The following CCNB3 variants were observed in gnomAD, a reference collection of about 807,000 sequenced individuals.
CCNB3 encodes cyclin B3, also known as G2/mitotic-specific cyclin-B3.
CCNB3 carries 12 observed loss-of-function variants against 68.0 expected under a neutral mutation model. The ratio of observed to expected loss-of-function variants is 0.18; its 90% CI spans 0.11 to 0.29. The LOEUF is 0.29. Among genes scored for constraint, CCNB3 ranks in the 10% least tolerant of loss-of-function variants. The pLI, the probability that CCNB3 is intolerant of heterozygous loss-of-function variation, is 1.00. For synonymous variants in CCNB3, 354 were observed against 388.9 expected (o/e 0.91, Z 1.06); for missense variants, 904 against 993.1 (o/e 0.91, Z 1.21).
chrX:50,318,563 A>G (rs1209739595), intron 8 of CCNB3, among the ~76,000 whole-genome samples: 1 of 112,213 alleles, frequency 8.9e-6, no homozygotes, highest in East Asian at 2.8e-4. Flanking sequence ...TAGCTATTCT[A>G]GTTCCTTTGC....
intron 8 of CCNB3, among the ~76,000 whole-genome samples, chrX:50,326,509 TA>T (rs1277887704): frequency 2.7e-5 from 3 of 112,003 alleles, no homozygotes; most frequent in African/African-American, 9.7e-5. Context: ...CTCAAGTTTT[TA>T]TTCATTATCT....
At chrX:50,293,799 G>A (rs1936393951) in intron 4 of CCNB3, among the ~76,000 whole-genome samples, 1 of 111,822 alleles carries the variant, frequency 8.9e-6, no homozygotes, top group South Asian at 3.7e-4. Flanking sequence ...ATACTTTGAA[G>A]GTGGTAGTCA....
chrX:50,220,110 T>A (rs1948992234), intron 1 of CCNB3, among the ~76,000 whole-genome samples: 1 of 111,875 alleles, frequency 8.9e-6, no homozygotes, highest in Non-Finnish European at 1.9e-5. Context: ...TTTTTGCACA[T>A]TGATTTTGTA....
Position 50,348,093 on chromosome X carries a change from G to A in CCNB3, c.3960+318G>A, listed in dbSNP as rs192731436. ...AGTGTGACCCTACTTCTTATCCCCA[G>A]CCCTGTTCCCCTCTTGCCTCTTGCA... On this transcript the variant is annotated intron_variant, in intron 11 of 12. Transcript: ENST00000376042. Among the ~76,000 whole-genome samples the A allele has an allele frequency of 2.6e-4, 29 of 111,373 alleles. No homozygotes were observed. The East Asian group carries it at 7.7e-3, about 29-fold the overall frequency.
intron 8 of CCNB3, among the ~76,000 whole-genome samples, chrX:50,329,194 A>G (rs1922456195): frequency 9.0e-6 from 1 of 111,398 alleles, no homozygotes; most frequent in Non-Finnish European, 1.9e-5. Flanking sequence ...CCCTTCCCAT[A>G]GCTCCACTAG....
At chrX:50,346,917 G>T (rs1923434502) in intron 10 of CCNB3, 110 bp downstream of exon 10, 2 of 805,497 alleles carry the variant, frequency 2.5e-6, no homozygotes, top group Non-Finnish European at 3.4e-6. Context: ...ACAGGCAGCA[G>T]GGAGCTTTCT....
At chrX:50,296,114 A>G (rs1400658987) in intron 5 of CCNB3, among the ~76,000 whole-genome samples, 2 of 109,494 alleles carry the variant, frequency 1.8e-5, no homozygotes, top group Non-Finnish European at 3.8e-5. Context: ...TTATTTTTTT[A>G]TGTTTCTTTG....
At chrX:50,325,049 A>G (rs2147080570) in intron 8 of CCNB3, among the ~76,000 whole-genome samples, 1 of 111,411 alleles carries the variant, frequency 9.0e-6, no homozygotes, top group South Asian at 3.7e-4. Context: ...AGTTTGTATA[A>G]ATGATTCACT....
At chrX:50,314,012 C>A in intron 8 of CCNB3, 64 bp downstream of exon 8, 1 of 826,026 alleles carries the variant, frequency 1.2e-6, no homozygotes, top group Non-Finnish European at 1.8e-6. Flanking sequence ...GCTGCCAGGC[C>A]AAAAACATGG....
At chrX:50,280,107 A>G (rs1432551631) in intron 1 of CCNB3, among the ~76,000 whole-genome samples, 1 of 92,831 alleles carries the variant, frequency 1.1e-5, no homozygotes, top group Non-Finnish European at 2.0e-5. Context: ...ATATATATAT[A>G]GAATATATAA....
At chrX:50,289,801 A>G (rs782298812) in intron 4 of CCNB3, among the ~76,000 whole-genome samples, 2 of 112,219 alleles carry the variant, frequency 1.8e-5, no homozygotes, top group Non-Finnish European at 3.8e-5. Context: ...TGTAGCTACC[A>G]GAATACTTGT....
intron 8 of CCNB3, among the ~76,000 whole-genome samples, chrX:50,323,547 C>A (rs1315793742): frequency 9.0e-6 from 1 of 111,346 alleles, no homozygotes; most frequent in Admixed American, 9.5e-5. Flanking sequence ...GCACATGTAC[C>A]CTAGAACTTA....
chrX:50,300,647 G>A (rs782496549), intron 5 of CCNB3, among the ~76,000 whole-genome samples: 15 of 110,899 alleles, frequency 1.4e-4, no homozygotes, highest in East Asian at 2.8e-4. Flanking sequence ...TCTTTGTGGC[G>A]TTCTCTGTAT....
chrX:50,335,685 A>G (rs1251796839), intron 8 of CCNB3, among the ~76,000 whole-genome samples: 1 of 111,718 alleles, frequency 9.0e-6, no homozygotes, highest in Non-Finnish European at 1.9e-5. Flanking sequence ...GCCATCGCTT[A>G]GCTAGAGCTG....
At chrX:50,292,075 C>T (rs1936358465) in intron 4 of CCNB3, among the ~76,000 whole-genome samples, 1 of 111,474 alleles carries the variant, frequency 9.0e-6, no homozygotes, top group African/African-American at 3.3e-5. Context: ...GGTCCCTTTA[C>T]CCGTAAGTAC....
intron 1 of CCNB3, among the ~76,000 whole-genome samples, chrX:50,227,615 A>C (rs961716055): frequency 3.1e-4 from 12 of 38,409 alleles, no homozygotes; most frequent in African/African-American, 1.1e-3. Flanking sequence ...TATATATATA[A>C]ATATATATAG....
intron 1 of CCNB3, among the ~76,000 whole-genome samples, chrX:50,208,626 A>G (rs1935416652): frequency 8.9e-6 from 1 of 111,986 alleles, no homozygotes; most frequent in Non-Finnish European, 1.9e-5. Context: ...TACTTTTAAT[A>G]TGTTGCTCAA....
At chrX:50,222,965 T>C (rs1305508833) in intron 1 of CCNB3, among the ~76,000 whole-genome samples, 3 of 111,096 alleles carry the variant, frequency 2.7e-5, no homozygotes, top group Non-Finnish European at 5.7e-5. Flanking sequence ...TGTTCGTTCC[T>C]TTTCTTTTTT....
chrX:50,299,062 G>C lies in CCNB3; in HGVS notation c.335+4069G>C, dbSNP rs1557211763. 3.6e-5 allele frequency among the ~76,000 whole-genome samples: 4 copies of C among 111,272 alleles called. No individual in the cohort carries two copies. The Admixed American group carries it at 3.8e-4, about 11-fold the overall frequency. On this transcript the variant is annotated intron_variant, in intron 5 of 12. Coordinates refer to ENST00000376042, the MANE Select transcript of CCNB3 (RefSeq NM_033031.3). ...TTCTTGCTAGCGGTCTATCAATTTT[G>C]TTGATCTTTTCAAAAAACCAGCTCC...
Sources: allele counts gnomAD v4.1 joint callset (sites outside exome capture counted in the v4.1 genomes callset), GRCh38; gene constraint gnomAD v4.1.1; transcripts MANE v1.5; gene names NCBI Gene and HGNC (gene_info 2026-07-23, HGNC 2026-07-21).